Variants in PGBD5 observed in about 807,000 individuals in gnomAD.
The protein encoded by PGBD5 is piggyBac transposable element derived 5.
PGBD5 carries 14 observed loss-of-function variants against 47.9 expected under a neutral mutation model. That is an observed-to-expected ratio of 0.29 (90% CI 0.19 to 0.46). The LOEUF (loss-of-function observed/expected upper bound fraction) is 0.46. Among genes scored for constraint, PGBD5 ranks in the 20% least tolerant of loss-of-function variants. The pLI is 1.00. For synonymous variants in PGBD5, 316 were observed against 306.3 expected (o/e 1.03, Z -0.33); for missense variants, 635 against 716.0 (o/e 0.89, Z 1.29).
chr1:230,419,920 G>A (rs982984753), intron 1 of PGBD5, among the ~76,000 whole-genome samples: 1 of 152,158 alleles, frequency 6.6e-6, no homozygotes, highest in African/African-American at 2.4e-5. Context: ...GAGGTAAGGA[G>A]TTCAAGACCA....
chr1:230,389,985 A>T (rs1471684364), intron 1 of PGBD5, among the ~76,000 whole-genome samples: 2 of 152,170 alleles, frequency 1.3e-5, no homozygotes. Context: ...CAAGAAGATA[A>T]GTGACTTGCC....
rs2102706189 is a variant in PGBD5, at chr1:230,357,299, G to A, written c.354C>T (p.Pro118=). The change falls in exon 2 of 7, where the codon CCC becomes CCT. Residue 118 remains proline, a synonymous_variant. Transcript: ENST00000391860. The surrounding 1 kb of genome is among the most constrained non-coding windows in gnomAD (Gnocchi z 5.7). Reference sequence around the variant, plus strand: ...GGAAGAAGTCCACGGCACTGGCGCTGGGGGGCATCTTTCGGGTGGGACCTG... The same window carrying A: ...GGAAGAAGTCCACGGCACTGGCGCTAGGGGGCATCTTTCGGGTGGGACCTG... ...DTGGPTRKMP[P]SASAVDFFQL... The A allele has an allele frequency of 6.2e-7, 1 of 1,613,560 alleles. No individual in the cohort carries two copies. The highest frequency in any genetic ancestry group is 8.5e-7 in the Non-Finnish European group (1 of 1,179,604).
At position 230,356,912 on chromosome 1, in the gene PGBD5, G is replaced by A; in HGVS notation, c.741C>T (p.Phe247=). 1.2e-6 allele frequency: 2 copies of A among 1,613,650 alleles called. No individual in the cohort carries two copies. The highest frequency in any genetic ancestry group is 1.7e-6 in the Non-Finnish European group (2 of 1,179,634). The stretch of plus-strand genomic sequence containing the variant: ...GCCTCACCTGGGTTTGGGAAGGCCT[G>A]AAGGCAGAGTCGAAGCTGTTCTGCA... ...DSLQNSFDSA[F]RPSQTQVLHE... is the part of the protein sequence containing the mutation. The change falls in exon 2 of 7, where the codon TTC becomes TTT. Residue 247 remains phenylalanine, a synonymous_variant. Coordinates refer to ENST00000391860, the MANE Select transcript of PGBD5 (RefSeq NM_001258311.2).
chr1:230,331,731 G>A (rs2102814646), intron 5 of PGBD5, among the ~76,000 whole-genome samples: 1 of 151,326 alleles, frequency 6.6e-6, no homozygotes, highest in Non-Finnish European at 1.5e-5. Flanking sequence ...CTTGGCTCAA[G>A]CAATGTCCTG....
At chr1:230,344,716 G>T (rs1034448395) in intron 3 of PGBD5, among the ~76,000 whole-genome samples, 1 of 152,166 alleles carries the variant, frequency 6.6e-6, no homozygotes, top group Non-Finnish European at 1.5e-5. Context: ...GGAAGCACGG[G>T]TTCTTTTGCT....
Position 230,353,666 on chromosome 1 carries a change from A to G in PGBD5, c.760-2574T>C, listed in dbSNP as rs373189537. Among the ~76,000 whole-genome samples the G allele has an allele frequency of 9.2e-5, 14 of 152,262 alleles. No homozygotes were observed. In the South Asian group the frequency reaches 2.9e-3, roughly 32 times the overall value. On this transcript the variant is annotated intron_variant, in intron 2 of 6. Transcript: ENST00000391860. ...GAGTGATTCCTGGGAATCTGCAGCT[A>G]ATCCATCCACACACACACCTGATGA...
chr1:230,371,990 A>C (rs1354775520), intron 1 of PGBD5, among the ~76,000 whole-genome samples: 1 of 152,206 alleles, frequency 6.6e-6, no homozygotes, highest in African/African-American at 2.4e-5. Context: ...GGAATATAAA[A>C]GGTTCCCGTG....
intron 1 of PGBD5, among the ~76,000 whole-genome samples, chr1:230,388,380 C>T (rs2102730798): frequency 6.6e-6 from 1 of 151,588 alleles, no homozygotes; most frequent in African/African-American, 2.4e-5. Context: ...TCTGGCTGCA[C>T]ATGACAACTG....
Position 230,323,829 on chromosome 1 carries a change from G to A in PGBD5, c.1380-209C>T, listed in dbSNP as rs1667074990. Among the ~76,000 whole-genome samples, 3 of 152,336 alleles carry A rather than the reference G, an allele frequency of 2.0e-5. No homozygotes were observed. Among genetic ancestry groups the A allele is most frequent in the South Asian group, 4.1e-4 (2 of 4,830 alleles). On this transcript the variant is annotated intron_variant, in intron 6 of 6. Coordinates refer to ENST00000391860, the MANE Select transcript of PGBD5 (RefSeq NM_001258311.2). This position sits in a 1 kb window ranked among gnomAD's most constrained non-coding sequence, Gnocchi z 4.1. ...CACAGTGAACTTCATTTAAGACCAA[G>A]GAAATGAAAACAACAAGGTTGCTGG...
chr1:230,411,291 G>A (rs1056169631), intron 1 of PGBD5, among the ~76,000 whole-genome samples: 39 of 152,086 alleles, frequency 2.6e-4, no homozygotes, highest in African/African-American at 8.5e-4. Context: ...TCTCAAAAAA[G>A]GGCGGAGAGG....
At position 230,332,913 on chromosome 1, in the gene PGBD5, A is replaced by T; in HGVS notation, c.1204T>A (p.Ser402Thr). The T allele has an allele frequency of 6.2e-7, 1 of 1,614,184 alleles. No homozygotes were observed. The highest frequency in any genetic ancestry group is 8.5e-7 in the Non-Finnish European group (1 of 1,180,020). The change falls in exon 5 of 7, where the codon TCC (serine) becomes ACC (threonine). Residue 402 changes from serine (S) to threonine (T), a missense_variant. Ser to Thr is a moderately conservative substitution (Grantham distance 58, BLOSUM62 1). Coordinates refer to ENST00000391860, the MANE Select transcript of PGBD5 (RefSeq NM_001258311.2). ...QYQIKMKGNMSLICWYNKGHF... is the reference protein window; with the variant it reads ...QYQIKMKGNMTLICWYNKGHF... Reference sequence around the variant, plus strand: ...CCTTTGTTGTACCAGCAGATCAAGGACATGTTCCCCTTCATCTTGATTTGG... The same window carrying T: ...CCTTTGTTGTACCAGCAGATCAAGGTCATGTTCCCCTTCATCTTGATTTGG...
At chr1:230,326,569 C>T (rs1362372243) in intron 5 of PGBD5, among the ~76,000 whole-genome samples, 1 of 152,122 alleles carries the variant, frequency 6.6e-6, no homozygotes, top group Non-Finnish European at 1.5e-5. Context: ...AGGGATACTC[C>T]CACCTCAGCC....
chr1:230,395,296 T>C (rs1287114108), intron 1 of PGBD5, among the ~76,000 whole-genome samples: 4 of 26,512 alleles, frequency 1.5e-4, no homozygotes, highest in Non-Finnish European at 2.1e-4. Context: ...TCCTCTCTCA[T>C]TCCCACCCTC....
intron 1 of PGBD5, among the ~76,000 whole-genome samples, chr1:230,409,523 G>A (rs566881530): frequency 3.3e-5 from 5 of 152,228 alleles, no homozygotes; most frequent in African/African-American, 1.2e-4. Context: ...ACAAGAAAAA[G>A]GACTGAAATA....
chr1:230,389,369 C>T (rs1656732010), intron 1 of PGBD5, among the ~76,000 whole-genome samples: 1 of 152,044 alleles, frequency 6.6e-6, no homozygotes, highest in African/African-American at 2.4e-5. Context: ...GACGGGGTTT[C>T]ACCATGTTGG....
chr1:230,423,165 A>C (rs998795873), intron 1 of PGBD5, among the ~76,000 whole-genome samples: 1 of 152,180 alleles, frequency 6.6e-6, no homozygotes, highest in African/African-American at 2.4e-5. Flanking sequence ...CAGTTGCAGC[A>C]AGGCAGGAAG....
chr1:230,349,772 T>G (rs1667532769), intron 3 of PGBD5, among the ~76,000 whole-genome samples: 1 of 152,102 alleles, frequency 6.6e-6, no homozygotes, highest in Non-Finnish European at 1.5e-5. Flanking sequence ...CTCTGGAGAA[T>G]GTGAGGGGAC....
chr1:230,411,294 C>T (rs1571864215), intron 1 of PGBD5, among the ~76,000 whole-genome samples: 2 of 151,806 alleles, frequency 1.3e-5, no homozygotes, highest in East Asian at 1.9e-4. Flanking sequence ...CAAAAAAGGG[C>T]GGAGAGGGGA....
chr1:230,334,605 T>TG (rs3841071), intron 4 of PGBD5, among the ~76,000 whole-genome samples: 61,855 of 151,958 alleles, frequency 0.41, 14,022 homozygotes, highest in Non-Finnish European at 0.48. Flanking sequence ...TCCCCCAGGG[T>TG]GGGGGGACAG....
Sources: gnomAD v4.1 joint callset for allele counts (sites outside exome capture counted in the v4.1 genomes callset) on GRCh38, gnomAD v4.1.1 for gene constraint, Gnocchi (gnomAD v3.1) non-coding constraint, MANE v1.5 for transcripts, NCBI Gene and HGNC (gene_info 2026-07-23, HGNC 2026-07-21) for gene names.